KLF12: variants seen among roughly 807,000 people sequenced by gnomAD.
KLF12 encodes the protein KLF transcription factor 12.
In KLF12, 9 loss-of-function variants were observed where a neutral mutation model predicts 37.8. The observed-to-expected ratio is 0.24, with a 90% CI of 0.14 to 0.42. The LOEUF (loss-of-function observed/expected upper bound fraction) is 0.42, where lower values mean the gene tolerates loss of function less well. Ranked by LOEUF, KLF12 falls within the 10% of genes least tolerant of loss-of-function variation. KLF12 has a pLI of 1.00. For synonymous variants in KLF12, 208 were observed against 202.1 expected, an observed-to-expected ratio of 1.03 and a Z score of -0.25; for missense variants, 411 against 516.0, an observed-to-expected ratio of 0.80 and a Z score of 1.97.
intron 7 of KLF12, among the ~76,000 whole-genome samples, chr13:73,710,172 C>T (rs1875259161): frequency 6.6e-6 from 1 of 152,094 alleles, no homozygotes; most frequent in East Asian, 1.9e-4. Context: ...TAAGGGACAG[C>T]TCCAACCACA....
chr13:73,963,502 CG>C (rs1398445380), intron 2 of KLF12, among the ~76,000 whole-genome samples: 8 of 152,016 alleles, frequency 5.3e-5, no homozygotes, highest in African/African-American at 1.9e-4. Flanking sequence ...ATTATATAAA[CG>C]TTAAAAAATG....
At chr13:73,886,993 A>C (rs1471249381) in intron 3 of KLF12, among the ~76,000 whole-genome samples, 1 of 6,538 alleles carries the variant, frequency 1.5e-4, no homozygotes, top group Non-Finnish European at 3.2e-4. Context: ...AATCCGTCTC[A>C]AAAAAAAAAA....
intron 3 of KLF12, among the ~76,000 whole-genome samples, chr13:73,874,564 A>G (rs1886617148): frequency 6.6e-6 from 1 of 152,178 alleles, no homozygotes; most frequent in African/African-American, 2.4e-5. Context: ...GAATCAATCC[A>G]ATAATTGACT....
chr13:74,158,403 A>C, the KLF12 span, among the ~76,000 whole-genome samples: 299 of 152,294 alleles, frequency 2.0e-3, 1 homozygote, highest in African/African-American at 6.4e-3. Flanking sequence ...GTGTTAGAGA[A>C]GTGGGCAATT....
chr13:74,157,221 T>C, the KLF12 span, among the ~76,000 whole-genome samples: 1 of 152,240 alleles, frequency 6.6e-6, no homozygotes, highest in Non-Finnish European at 1.5e-5. Flanking sequence ...TTTACAAATA[T>C]ATAAATTGCT....
intron 1 of KLF12, among the ~76,000 whole-genome samples, chr13:74,015,747 G>C (rs542500102): frequency 1.3e-5 from 2 of 152,094 alleles, no homozygotes; most frequent in Non-Finnish European, 2.9e-5. Context: ...TCTAGGTTCT[G>C]ACTCCCTTTC....
chr13:74,221,279 T>G, the KLF12 span, among the ~76,000 whole-genome samples: 1 of 152,222 alleles, frequency 6.6e-6, no homozygotes, highest in Non-Finnish European at 1.5e-5. Flanking sequence ...GTGCTGGGAT[T>G]ACAGGCGTGA....
At chr13:73,703,337 T>C (rs1874695020) in intron 7 of KLF12, among the ~76,000 whole-genome samples, 2 of 152,066 alleles carry the variant, frequency 1.3e-5, no homozygotes, top group Admixed American at 1.3e-4. Context: ...TTAATTATAG[T>C]TTTGGGGTAA....
the KLF12 span, among the ~76,000 whole-genome samples, chr13:74,263,147 C>A: frequency 6.6e-6 from 1 of 152,174 alleles, no homozygotes; most frequent in Non-Finnish European, 1.5e-5. Context: ...TAAGTAAGTT[C>A]TTTATACTTC....
chr13:74,258,160 T>TG, the KLF12 span: 36 of 87,984 alleles, frequency 4.1e-4, 2 homozygotes, highest in Admixed American at 2.9e-3. Flanking sequence ...TATTACTGTG[T>TG]TTGTGTGTGT....
intron 4 of KLF12, among the ~76,000 whole-genome samples, chr13:73,814,608 G>C (rs1346089817): frequency 6.6e-6 from 1 of 152,062 alleles, no homozygotes; most frequent in Non-Finnish European, 1.5e-5. Flanking sequence ...ACCAAAACGT[G>C]CTTTGCACAA....
At chr13:73,736,377 T>C (rs1327116550) in intron 6 of KLF12, among the ~76,000 whole-genome samples, 1 of 152,244 alleles carries the variant, frequency 6.6e-6, no homozygotes, top group Non-Finnish European at 1.5e-5. Context: ...AGACAGTTAA[T>C]TATCAACATA....
intron 1 of KLF12, among the ~76,000 whole-genome samples, chr13:74,116,664 A>G (rs544451894): frequency 4.5e-4 from 69 of 152,338 alleles, no homozygotes; most frequent in African/African-American, 1.6e-3. Flanking sequence ...GACTGCTATG[A>G]TCTTCAAATT....
intron 3 of KLF12, among the ~76,000 whole-genome samples, chr13:73,910,228 A>G (rs545379338): frequency 6.6e-6 from 1 of 152,282 alleles, no homozygotes; most frequent in South Asian, 2.1e-4. Flanking sequence ...TTTTCCCCAG[A>G]AAAAGTTTGG....
chr13:74,067,778 C>T (rs1874002579), intron 1 of KLF12, among the ~76,000 whole-genome samples: 1 of 152,106 alleles, frequency 6.6e-6, no homozygotes, highest in Admixed American at 6.5e-5. Context: ...ATGCACACTT[C>T]CAGGAGACAG....
rs192503355 is a variant in KLF12, at chr13:73,756,006, A to T, written c.869+8932T>A. ...ATTTTCTTTATCCGCTTGTTGACTG[A>T]TGGGCATTTGGGCTGGTTGCATATT... is the stretch of plus-strand genomic sequence containing the variant. On this transcript the variant is annotated intron_variant, in intron 6 of 7. Transcript: ENST00000377669. Among the ~76,000 whole-genome samples, 77 of 152,146 alleles carry T rather than the reference A, an allele frequency of 5.1e-4. 1 individual carries two copies. The highest frequency in any genetic ancestry group is 3.4e-3 in the Middle Eastern group (1 of 292).
intron 2 of KLF12, among the ~76,000 whole-genome samples, chr13:73,982,468 A>C (rs182445948): frequency 1.2e-4 from 19 of 152,342 alleles, no homozygotes. Context: ...GACAACTGTC[A>C]GAAAGGATAT....
In KLF12 at chr13:73,686,944, T is replaced by C. The variant is rs1446600823; in HGVS notation, c.*8546A>G. 6.6e-6 allele frequency: 1 copy of C among 152,606 alleles called. No homozygotes were observed. Among genetic ancestry groups the C allele is most frequent in the African/African-American group, 2.4e-5 (1 of 41,456 alleles). The allele number at this position is 152,606 out of a possible 1,614,324, so 9.5% of individuals were successfully genotyped here. A position where few individuals can be genotyped will look rare whatever the true frequency, so the allele number is the denominator to read the frequency against. ...TATTTTTCTTTATTCCCATGTATTT[T>C]TTTTTCAAATATGACTGAGAGATTT... On this transcript the variant is annotated 3_prime_UTR_variant, in exon 8 of 8. Coordinates refer to ENST00000377669, the MANE Select transcript of KLF12 (RefSeq NM_007249.5).
the KLF12 span, among the ~76,000 whole-genome samples, chr13:74,272,336 G>A: frequency 1.3e-5 from 2 of 152,162 alleles, no homozygotes; most frequent in African/African-American, 4.8e-5. Flanking sequence ...TCCTGTGATA[G>A]TCACTTTCTT....
Sources: allele counts gnomAD v4.1 joint callset (sites outside exome capture counted in the v4.1 genomes callset), GRCh38; gene constraint gnomAD v4.1.1; transcripts MANE v1.5; gene names NCBI Gene and HGNC (gene_info 2026-07-23, HGNC 2026-07-21).